The following ZFP64 variants were observed in gnomAD, a reference collection of about 807,000 sequenced individuals.
The protein encoded by ZFP64 is ZFP64 zinc finger protein, also known as zinc finger protein 64.
A neutral mutation model predicts 51.6 loss-of-function variants in ZFP64; 14 were observed. That is an observed-to-expected ratio of 0.27 (90% CI 0.18 to 0.42). ZFP64 has a LOEUF of 0.42. Ranked by LOEUF, ZFP64 falls within the 10% of genes least tolerant of loss-of-function variation. ZFP64 has a pLI of 1.00. For synonymous variants in ZFP64, 375 were observed against 361.4 expected (o/e 1.04, Z -0.43); for missense variants, 754 against 906.8 (o/e 0.83, Z 2.16).
rs981917918 is a variant in ZFP64 at position 52,160,874 on chromosome 20, T to G, written c.512-500A>C. ...CAAAGCGATGGCAGAGAAAGTAAAG[T>G]GTGTCTCTTTCACAAGAGGAAACGG... On this transcript the variant is annotated intron_variant, in intron 4 of 5. Coordinates refer to ENST00000216923, the MANE Select transcript of ZFP64 (RefSeq NM_018197.3). This position sits in a 1 kb window ranked among gnomAD's most constrained non-coding sequence, Gnocchi z 4.2. Among the ~76,000 whole-genome samples, 1 of 152,162 alleles carries G rather than the reference T, an allele frequency of 6.6e-6. No homozygotes were observed. Among genetic ancestry groups the G allele is most frequent in the Admixed American group, 6.5e-5 (1 of 15,274 alleles).
At chr20:52,190,678 GA>G (rs981881083) in intron 1 of ZFP64, among the ~76,000 whole-genome samples, 3 of 152,082 alleles carry the variant, frequency 2.0e-5, no homozygotes, top group Admixed American at 6.5e-5. Flanking sequence ...TGGTGTTTAG[GA>G]AAATCTGTGC....
downstream of ZFP64, among the ~76,000 whole-genome samples, chr20:52,147,880 G>T (rs556468358): frequency 2.0e-5 from 3 of 152,078 alleles, no homozygotes; most frequent in Non-Finnish European, 4.4e-5. Flanking sequence ...AATTAGCCAG[G>T]CATGGTGGCA....
chr20:52,106,510 G>T (rs765229985), intron 5 of ZFP64, among the ~76,000 whole-genome samples: 2 of 152,122 alleles, frequency 1.3e-5, no homozygotes, highest in Non-Finnish European at 2.9e-5. Flanking sequence ...GTCCTGTGGG[G>T]TTAGCAGCAT....
rs776029800 is a variant in ZFP64 at position 52,085,315 on chromosome 20, C to T, written c.1229-49G>A. ...ATTAGAACAGGCAGGCAAAACAGACCCTCCCACCCCAACCTGCCTTAGCAC... is the reference window on the plus strand; with the variant it reads ...ATTAGAACAGGCAGGCAAAACAGACTCTCCCACCCCAACCTGCCTTAGCAC... On this transcript the variant is annotated intron_variant, in intron 8 of 8. Transcript: ENST00000361387. The surrounding 1 kb of genome is among the most constrained non-coding windows in gnomAD (Gnocchi z 4.3). 4.6e-6 allele frequency: 7 copies of T among 1,528,296 alleles called. No homozygotes were observed. The East Asian group carries it at 1.2e-4, about 25-fold the overall frequency. 94.7% of individuals were successfully genotyped at this position (1,528,296 alleles called of 1,614,324 possible).
At chr20:52,112,099 A>AAC (rs1366225291) in intron 5 of ZFP64, among the ~76,000 whole-genome samples, 5 of 145,704 alleles carry the variant, frequency 3.4e-5, no homozygotes, top group African/African-American at 1.3e-4. Flanking sequence ...AAAAAAAAAA[A>AAC]ACAAAAAAAA....
chr20:52,085,033 G>A lies in ZFP64; in HGVS notation c.1462C>T (p.Leu488=). Reference sequence around the variant, plus strand: ...TTCTCCGGGTGGTCGGCCTGGTGCAGCCGGCTGTGCTCCAGGAGGTCAGCC... The same window carrying A: ...TTCTCCGGGTGGTCGGCCTGGTGCAACCGGCTGTGCTCCAGGAGGTCAGCC... The change falls in exon 9 of 9, where the codon CTG becomes TTG. Residue 488 remains leucine (L), a synonymous_variant. Coordinates refer to the ZFP64 transcript ENST00000361387. This position sits in a 1 kb window ranked among gnomAD's most constrained non-coding sequence, Gnocchi z 4.3. 6.2e-7 allele frequency: 1 copy of A among 1,614,092 alleles called. No individual in the cohort carries two copies. The highest frequency in any genetic ancestry group is 8.5e-7 in the Non-Finnish European group (1 of 1,180,012).
At chr20:52,104,440 GC>G (rs1568948922) in intron 5 of ZFP64, among the ~76,000 whole-genome samples, 1 of 152,182 alleles carries the variant, frequency 6.6e-6, no homozygotes, top group Non-Finnish European at 1.5e-5. Flanking sequence ...CCTGTTAAGT[GC>G]GACAGCATCA....
At position 52,186,895 on chromosome 20, in the gene ZFP64, C is replaced by T; in HGVS notation, c.223G>A (p.Val75Met). 6.2e-7 allele frequency: 1 copy of T among 1,613,916 alleles called. No homozygotes were observed. The highest frequency in any genetic ancestry group is 8.5e-7 in the Non-Finnish European group (1 of 1,179,820). The change falls in exon 2 of 6, where the codon GTG becomes ATG. Residue 75 changes from valine to methionine, a missense_variant. Coordinates refer to ENST00000216923, the MANE Select transcript of ZFP64 (RefSeq NM_018197.3). ...GTGGTCTGAGTCTGGGTGGCAGGCA[C>T]TGTTTCCTCCGATACAAACTGGACC... The part of the protein sequence containing the change: ...STVQFVSEET[V>M]PATQTQTTTR...
Position 52,152,878 on chromosome 20 carries a change from G to GTCCTCC in ZFP64, c.1308_1313dup (p.Glu437_Asp438insGluGlu), listed in dbSNP as rs762712707. 6.2e-7 allele frequency: 1 copy of GTCCTCC among 1,614,126 alleles called. No homozygotes were observed. Among genetic ancestry groups the GTCCTCC allele is most frequent in the South Asian group, 1.1e-5 (1 of 91,086 alleles). On this transcript the variant is annotated inframe_insertion, in exon 6 of 6. Coordinates refer to ENST00000216923, the MANE Select transcript of ZFP64 (RefSeq NM_018197.3). ...GCTGTCTCTTGTGGCTGCGGAGCGA[G>GTCCTCC]TCCTCCCGCATGAAGGAGGCATCGC...
Position 52,186,944 on chromosome 20 carries a change from G to A in ZFP64, c.174C>T (p.Gly58=). ...CCGTGCTGGGGGCTGCTGCGGATGT[G>A]CCTGTCAGCTGGCAGCCACTTTGCT... The part of the protein sequence containing the change: ...AHKQSGCQLT[G]TSAAAPSTVQ... The change falls in exon 2 of 6, where the codon GGC becomes GGT. Residue 58 remains glycine, a synonymous_variant. Transcript: ENST00000216923. 1 of 1,614,146 alleles carries A rather than the reference G, an allele frequency of 6.2e-7. No individual in the cohort carries two copies. The highest frequency in any genetic ancestry group is 8.5e-7 in the Non-Finnish European group (1 of 1,180,004).
At chr20:52,114,755 C>T (rs939383828) in intron 5 of ZFP64, among the ~76,000 whole-genome samples, 1 of 152,094 alleles carries the variant, frequency 6.6e-6, no homozygotes, top group Non-Finnish European at 1.5e-5. Context: ...TTTTCTCCTC[C>T]AGAGAAACAT....
rs376416588 is a variant in ZFP64, at chr20:52,168,752, C to T, written c.287-2727G>A. Among the ~76,000 whole-genome samples the T allele has an allele frequency of 1.5e-4, 23 of 152,312 alleles. No homozygotes were observed. In the East Asian group the frequency reaches 1.9e-3, roughly 13 times the overall value. ...CATTAATATCAGATTTACCCCGTTA[C>T]GGTTTTCAGGCATTTCTGGGTAAGC... On this transcript the variant is annotated intron_variant, in intron 2 of 5. Transcript: ENST00000216923.
intron 2 of ZFP64, among the ~76,000 whole-genome samples, chr20:52,175,677 T>A (rs779226173): frequency 1.3e-5 from 2 of 152,106 alleles, no homozygotes; most frequent in Non-Finnish European, 2.9e-5. Context: ...AAACCCTGTC[T>A]CTGCTACAAT....
chr20:52,107,060 C>A (rs1432880142), intron 5 of ZFP64, among the ~76,000 whole-genome samples: 2 of 152,158 alleles, frequency 1.3e-5, no homozygotes, highest in African/African-American at 4.8e-5. Context: ...GCACTCCAGC[C>A]TGGGCGACAG....
At chr20:52,097,477 C>CA in intron 6 of ZFP64, 5 of 1,518,054 alleles carry the variant, frequency 3.3e-6, no homozygotes, top group South Asian at 2.4e-5. Flanking sequence ...TTTTTGGAGA[C>CA]AGAGTTTTGC....
At chr20:52,110,535 GTTC>G in intron 5 of ZFP64, 1 of 725,130 alleles carries the variant, frequency 1.4e-6, no homozygotes, top group Admixed American at 2.0e-5. Context: ...GCTCGGCCCA[GTTC>G]TTCTCAGTCT....
At chr20:52,104,245 G>T (rs557159477) in intron 5 of ZFP64, among the ~76,000 whole-genome samples, 111 of 152,346 alleles carry the variant, frequency 7.3e-4, no homozygotes, top group Admixed American at 1.8e-3. Context: ...AGTGGAGGCG[G>T]GGGATGGGGG....
rs762211778 is a variant in ZFP64, at chr20:52,153,085, G to A, written c.1107C>T (p.Arg369=). The change falls in exon 6 of 6, where the codon CGC becomes CGT. Residue 369 remains arginine, a synonymous_variant. Coordinates refer to ENST00000216923, the MANE Select transcript of ZFP64 (RefSeq NM_018197.3). This position sits in a 1 kb window ranked among gnomAD's most constrained non-coding sequence, Gnocchi z 5.1. ...RIHERIHCTD[R]PFKCNYCSFD... ...AGCTGCAGTAGTTGCACTTGAAAGG[G>A]CGGTCGGTGCAGTGGATACGCTCGT... The A allele has an allele frequency of 1.2e-5, 20 of 1,614,086 alleles. No individual in the cohort carries two copies. The highest frequency in any genetic ancestry group is 1.4e-5 in the Non-Finnish European group (16 of 1,180,048).
chr20:52,158,565 G>C (rs563846672), intron 5 of ZFP64, among the ~76,000 whole-genome samples: 1 of 152,090 alleles, frequency 6.6e-6, no homozygotes, highest in South Asian at 2.1e-4. Context: ...AATTAGCCAG[G>C]CATGGCAGTG....
Sources: gnomAD v4.1 joint callset for allele counts (sites outside exome capture counted in the v4.1 genomes callset) on GRCh38, gnomAD v4.1.1 for gene constraint, Gnocchi (gnomAD v3.1) non-coding constraint, MANE v1.5 for transcripts, NCBI Gene and HGNC (gene_info 2026-07-23, HGNC 2026-07-21) for gene names.